Variants in ZFHX3 observed in about 807,000 individuals in gnomAD.
The protein encoded by ZFHX3 is zinc finger homeobox 3.
Under a neutral mutation model 279.1 loss-of-function variants are expected in ZFHX3, and 42 were observed. The observed-to-expected ratio is 0.15, with a 90% CI of 0.12 to 0.19. The LOEUF is 0.19. Ranked by LOEUF, ZFHX3 falls within the 10% of genes least tolerant of loss-of-function variation. The pLI, the probability that ZFHX3 is intolerant of heterozygous loss-of-function variation, is 1.00. For synonymous variants in ZFHX3, 2,293 were observed against 1,957.8 expected (o/e 1.17, Z -4.52); for missense variants, 4,981 against 4,754.0 (o/e 1.05, Z -1.40).
At chr16:73,692,523 C>G (rs1389827238) in intron 1 of ZFHX3, among the ~76,000 whole-genome samples, 1 of 152,152 alleles carries the variant, frequency 6.6e-6, no homozygotes, top group African/African-American at 2.4e-5. Flanking sequence ...TTTAAAGAGC[C>G]AAGAGATTCC....
At chr16:73,177,564 T>A (rs911600452) in intron 5 of ZFHX3, among the ~76,000 whole-genome samples, 3 of 152,224 alleles carry the variant, frequency 2.0e-5, no homozygotes, top group African/African-American at 4.8e-5. Flanking sequence ...ACAGATGTGA[T>A]CTTTCCCAAA....
chr16:72,979,917 C>T (rs1215382524), intron 1 of ZFHX3, among the ~76,000 whole-genome samples: 1 of 152,104 alleles, frequency 6.6e-6, no homozygotes, highest in African/African-American at 2.4e-5. Context: ...ACACTATTTA[C>T]AATGTCCAAG....
intron 5 of ZFHX3, among the ~76,000 whole-genome samples, chr16:73,172,232 T>G (rs1373551147): frequency 6.6e-6 from 1 of 152,162 alleles, no homozygotes; most frequent in Non-Finnish European, 1.5e-5. Context: ...AGCCCCGGGG[T>G]GCAGGGGCGA....
At chr16:73,217,880 T>G (rs942268951) in intron 5 of ZFHX3, among the ~76,000 whole-genome samples, 1 of 151,654 alleles carries the variant, frequency 6.6e-6, no homozygotes, top group Non-Finnish European at 1.5e-5. Context: ...GGCTTTGTAG[T>G]TAACCTAAAA....
intron 3 of ZFHX3, among the ~76,000 whole-genome samples, chr16:72,918,722 G>A (rs1009834995): frequency 6.8e-6 from 1 of 147,642 alleles, no homozygotes; most frequent in African/African-American, 2.5e-5. Context: ...TTTAAATGGA[G>A]CCTTGCTCTG....
At chr16:73,343,776 C>CT (rs1373712945) in intron 3 of ZFHX3, among the ~76,000 whole-genome samples, 2 of 152,164 alleles carry the variant, frequency 1.3e-5, no homozygotes, top group Non-Finnish European at 2.9e-5. Flanking sequence ...TTGTCCAACT[C>CT]TGGGACAATT....
At chr16:73,319,394 G>C (rs1214108015) in intron 3 of ZFHX3, among the ~76,000 whole-genome samples, 1 of 152,022 alleles carries the variant, frequency 6.6e-6, no homozygotes, top group African/African-American at 2.4e-5. Flanking sequence ...GGCAATAGGG[G>C]ATAGGGAAGG....
intron 1 of ZFHX3, among the ~76,000 whole-genome samples, chr16:73,882,183 G>C (rs1458401605): frequency 1.3e-5 from 2 of 151,982 alleles, no homozygotes; most frequent in African/African-American, 4.8e-5. Context: ...AGGACTGTTT[G>C]TCCCACAGAT....
rs556078802 is a variant in ZFHX3 at position 72,935,691 on chromosome 16, G to A, written c.3216+14778C>T. 5.3e-5 allele frequency among the ~76,000 whole-genome samples: 8 copies of A among 150,572 alleles called. No individual in the cohort carries two copies. The South Asian group carries it at 1.3e-3, about 24-fold the overall frequency. ...GGGGGTTGCAGTGAGCTGAGATCAC[G>A]CCACTGCACTCCAGCCTGGGCGACA... On this transcript the variant is annotated intron_variant, in intron 3 of 9. Coordinates refer to ENST00000268489, the MANE Select transcript of ZFHX3 (RefSeq NM_006885.4).
chr16:73,158,287 G>A (rs577560138), intron 5 of ZFHX3, among the ~76,000 whole-genome samples: 3 of 152,248 alleles, frequency 2.0e-5, no homozygotes, highest in Admixed American at 6.5e-5. Flanking sequence ...GAGATAGGAG[G>A]CTTTTTTTCA....
rs556331216 is a variant in ZFHX3 at position 73,802,887 on chromosome 16, G to A, written c.-1608+88764C>T. The stretch of plus-strand genomic sequence containing the variant: ...GGCTAGAGTGCAATGGCACAATCTC[G>A]ACTCACTGCAACCTCCACTTCCCAG... On this transcript the variant is annotated intron_variant, in intron 1 of 17. Coordinates refer to the ZFHX3 transcript ENST00000641206. Among the ~76,000 whole-genome samples, 14 of 152,188 alleles carry A rather than the reference G, an allele frequency of 9.2e-5. No individual in the cohort carries two copies. In the East Asian group the frequency reaches 2.5e-3, roughly 27 times the overall value.
intron 3 of ZFHX3, among the ~76,000 whole-genome samples, chr16:73,447,688 C>T (rs897954061): frequency 5.3e-5 from 8 of 152,158 alleles, no homozygotes; most frequent in Non-Finnish European, 8.8e-5. Context: ...ACACATTAAA[C>T]TGCTGCTAAG....
In ZFHX3 at chr16:73,082,620, G is replaced by A. The variant is rs112975673; in HGVS notation, c.-533+10615C>T. Among the ~76,000 whole-genome samples, 1,195 of 150,878 alleles carry A rather than the reference G, an allele frequency of 7.9e-3. 22 individuals carry two copies. The highest frequency in any genetic ancestry group is 0.028 in the African/African-American group (1,144 of 40,792). On this transcript the variant is annotated intron_variant, in intron 8 of 17. Coordinates refer to the ZFHX3 transcript ENST00000641206. ...CCATTAACTTACTTTCTTTTTTTTT[G>A]TATAAGATGAAAGCAGATCCTGGAG...
intron 7 of ZFHX3, among the ~76,000 whole-genome samples, chr16:73,101,293 C>G (rs12931916): frequency 3.3e-5 from 5 of 152,212 alleles, no homozygotes; most frequent in African/African-American, 1.2e-4. Flanking sequence ...ATCAGAATTT[C>G]TAAGGTGGGC....
Position 72,868,794 on chromosome 16 carries a change from A to C in ZFHX3, c.3448+20937T>G, listed in dbSNP as rs1458480510. 2.0e-5 allele frequency among the ~76,000 whole-genome samples: 3 copies of C among 152,234 alleles called. No individual in the cohort carries two copies. The East Asian group carries it at 5.8e-4, about 29-fold the overall frequency. ...CACCTTGATTGCTTCTCCAGGCTCA[A>C]GGCTCAGTAGCCCTCTGTTCACCTC... On this transcript the variant is annotated intron_variant, in intron 4 of 9. Coordinates refer to ENST00000268489, the MANE Select transcript of ZFHX3 (RefSeq NM_006885.4).
intron 1 of ZFHX3, among the ~76,000 whole-genome samples, chr16:73,006,595 G>A: frequency 6.7e-6 from 1 of 149,476 alleles, no homozygotes; most frequent in East Asian, 2.0e-4. Context: ...TCCAGCCTAA[G>A]CAACAAAACA....
At chr16:73,228,887 G>T (rs1410036123) in intron 5 of ZFHX3, among the ~76,000 whole-genome samples, 1 of 152,120 alleles carries the variant, frequency 6.6e-6, no homozygotes. Context: ...GAAACAGCTG[G>T]TTTCCTTCTC....
rs1384953244 is a variant in ZFHX3 at position 73,881,057 on chromosome 16, G to A, written c.-1608+10594C>T. 3.9e-5 allele frequency among the ~76,000 whole-genome samples: 6 copies of A among 152,150 alleles called. No homozygotes were observed. The East Asian group carries it at 9.6e-4, about 24-fold the overall frequency. Reference sequence around the variant, plus strand: ...ACTACATCCGCTCTTCAAATATGCAGTCCCTGGTAGCACCTTCTATAAGAC... The same window carrying A: ...ACTACATCCGCTCTTCAAATATGCAATCCCTGGTAGCACCTTCTATAAGAC... On this transcript the variant is annotated intron_variant, in intron 1 of 17. Coordinates refer to the ZFHX3 transcript ENST00000641206.
chr16:73,777,702 C>T (rs960529351), intron 1 of ZFHX3, among the ~76,000 whole-genome samples: 1 of 152,070 alleles, frequency 6.6e-6, no homozygotes, highest in Non-Finnish European at 1.5e-5. Context: ...AGTTATGGTG[C>T]TAAGCACTTA....
Sources: allele counts gnomAD v4.1 joint callset (sites outside exome capture counted in the v4.1 genomes callset), GRCh38; gene constraint gnomAD v4.1.1; transcripts MANE v1.5; gene names NCBI Gene and HGNC (gene_info 2026-07-23, HGNC 2026-07-21).